NRG1: variants seen among roughly 807,000 people sequenced by gnomAD.
The protein encoded by NRG1 is pro-neuregulin-1, membrane-bound isoform.
A neutral mutation model predicts 63.8 loss-of-function variants in NRG1; 18 were observed. The observed-to-expected ratio is 0.28, with a 90% CI of 0.19 to 0.42. NRG1 has a LOEUF of 0.42. Among genes scored for constraint, NRG1 ranks in the 10% least tolerant of loss-of-function variants. The pLI is 1.00. For missense variants in NRG1, 762 were observed against 814.7 expected (o/e 0.94, Z 0.79); for synonymous variants, 302 against 301.3 (o/e 1.00, Z -0.02).
chr8:32,475,688 G>A (rs1433162514), intron 1 of NRG1, among the ~76,000 whole-genome samples: 2 of 151,984 alleles, frequency 1.3e-5, no homozygotes, highest in Admixed American at 6.6e-5. Flanking sequence ...TGAGACTACA[G>A]GCAAATGCCA....
intron 1 of NRG1, among the ~76,000 whole-genome samples, chr8:31,987,792 C>A (rs572172120): frequency 6.6e-6 from 1 of 152,166 alleles, no homozygotes; most frequent in East Asian, 1.9e-4. Flanking sequence ...CCAACCTCAG[C>A]ATTTTAAATA....
At chr8:32,411,964 T>A (rs908831276) in intron 1 of NRG1, among the ~76,000 whole-genome samples, 1 of 152,114 alleles carries the variant, frequency 6.6e-6, no homozygotes, top group Non-Finnish European at 1.5e-5. Flanking sequence ...AGCCGCAGGG[T>A]CCCAGACATT....
chr8:32,761,605 T>G (rs951468054), intron 11 of NRG1, among the ~76,000 whole-genome samples: 2 of 151,430 alleles, frequency 1.3e-5, no homozygotes, highest in Non-Finnish European at 2.9e-5. Context: ...TATTTTATTT[T>G]ATTTTATTGT....
At chr8:31,689,695 T>C (rs1303537418) in intron 1 of NRG1, among the ~76,000 whole-genome samples, 3 of 152,218 alleles carry the variant, frequency 2.0e-5, no homozygotes, top group African/African-American at 7.2e-5. Flanking sequence ...TCAATGAATA[T>C]TCATTAAGTA....
Position 32,256,940 on chromosome 8 carries a change from AC to A in NRG1, c.38-338884del, listed in dbSNP as rs1274657925. On this transcript the variant is annotated intron_variant, in intron 1 of 10. Transcript: ENST00000519301. ...AGGGAGATGGGAGTTTTATCTATAA[AC>A]CCCTGCCTGGAGCTGCTGCCTTTCT... is the stretch of plus-strand genomic sequence containing the variant. 2.0e-5 allele frequency among the ~76,000 whole-genome samples: 3 copies of A among 151,798 alleles called. No individual in the cohort carries two copies. The East Asian group carries it at 5.8e-4, about 29-fold the overall frequency.
chr8:32,312,893 C>A (rs1856984308), intron 1 of NRG1, among the ~76,000 whole-genome samples: 1 of 152,144 alleles, frequency 6.6e-6, no homozygotes, highest in Admixed American at 6.5e-5. Flanking sequence ...GTGGCTCACA[C>A]CTGTAATCCC....
chr8:32,020,272 ATTT>A (rs1161433064), intron 1 of NRG1, among the ~76,000 whole-genome samples: 1 of 152,178 alleles, frequency 6.6e-6, no homozygotes, highest in Non-Finnish European at 1.5e-5. Flanking sequence ...GCTAAATGGT[ATTT>A]TTATCTCACT....
At chr8:32,185,419 A>G (rs1051109648) in intron 1 of NRG1, among the ~76,000 whole-genome samples, 1 of 152,118 alleles carries the variant, frequency 6.6e-6, no homozygotes, top group Non-Finnish European at 1.5e-5. Flanking sequence ...TGATCTTTAC[A>G]TTTTGCCTCT....
At chr8:32,645,057 C>T (rs1853224684) in intron 5 of NRG1, among the ~76,000 whole-genome samples, 1 of 151,978 alleles carries the variant, frequency 6.6e-6, no homozygotes, top group Non-Finnish European at 1.5e-5. Context: ...AATTCAGTGC[C>T]GTATATTTCA....
intron 5 of NRG1, among the ~76,000 whole-genome samples, chr8:32,629,885 A>T (rs1849966827): frequency 6.6e-6 from 1 of 152,188 alleles, no homozygotes; most frequent in South Asian, 2.1e-4. Context: ...TGTCAATAAC[A>T]TGGATTTTTC....
intron 1 of NRG1, among the ~76,000 whole-genome samples, chr8:32,321,033 T>C (rs1303755585): frequency 1.3e-5 from 2 of 152,158 alleles, no homozygotes; most frequent in Non-Finnish European, 2.9e-5. Flanking sequence ...CTTGCTTCTT[T>C]GAAATATGGT....
In NRG1 at chr8:32,447,729, C is replaced by T. The variant is rs369170982; in HGVS notation, c.38-148099C>T. Among the ~76,000 whole-genome samples, 69 of 151,824 alleles carry T rather than the reference C, an allele frequency of 4.5e-4. 1 individual carries two copies. The highest frequency in any genetic ancestry group is 1.6e-3 in the African/African-American group (68 of 41,402). ...ACAAAAAATATTTTTTAAAATTAGT[C>T]GAGCATGGCGGTGGCTCCCTGTAGT... is the stretch of plus-strand genomic sequence containing the variant. On this transcript the variant is annotated intron_variant, in intron 1 of 10. Transcript: ENST00000519301.
chr8:32,665,814 A>G (rs1804003139), intron 5 of NRG1, among the ~76,000 whole-genome samples: 1 of 152,188 alleles, frequency 6.6e-6, no homozygotes, highest in Non-Finnish European at 1.5e-5. Flanking sequence ...GAACAGTGAT[A>G]CTTAGTTAAT....
At chr8:32,048,333 ATG>A in intron 1 of NRG1, among the ~76,000 whole-genome samples, 1 of 148,750 alleles carries the variant, frequency 6.7e-6, no homozygotes, top group African/African-American at 2.5e-5. Context: ...ACATATGTAC[ATG>A]TATGTATGTA....
intron 1 of NRG1, among the ~76,000 whole-genome samples, chr8:32,111,216 A>T (rs1831983307): frequency 6.6e-6 from 1 of 152,028 alleles, no homozygotes; most frequent in Non-Finnish European, 1.5e-5. Context: ...TCCCGGGTTC[A>T]AGCAATTTTC....
At chr8:32,413,456 A>C (rs1389802475) in intron 1 of NRG1, among the ~76,000 whole-genome samples, 1 of 152,138 alleles carries the variant, frequency 6.6e-6, no homozygotes, top group Non-Finnish European at 1.5e-5. Flanking sequence ...GTAGCATTCC[A>C]TTTTTACTTC....
chr8:31,970,488 G>C (rs1807099679), intron 1 of NRG1, among the ~76,000 whole-genome samples: 1 of 152,180 alleles, frequency 6.6e-6, no homozygotes, highest in Non-Finnish European at 1.5e-5. Flanking sequence ...GCCTAGACAA[G>C]GTGATGGTCT....
At chr8:32,524,319 T>G (rs185852460) in intron 1 of NRG1, among the ~76,000 whole-genome samples, 2 of 152,250 alleles carry the variant, frequency 1.3e-5, no homozygotes, top group African/African-American at 4.8e-5. Context: ...CCCTAGTTGC[T>G]AAGCAATGTT....
intron 1 of NRG1, among the ~76,000 whole-genome samples, chr8:31,751,738 TAGAG>T (rs917290080): frequency 6.6e-6 from 1 of 151,574 alleles, no homozygotes; most frequent in Non-Finnish European, 1.5e-5. Flanking sequence ...TGGAGAGAGA[TAGAG>T]AGTTTGGGGA....
Sources: gnomAD v4.1 joint callset for allele counts (sites outside exome capture counted in the v4.1 genomes callset) on GRCh38, gnomAD v4.1.1 for gene constraint, MANE v1.5 for transcripts, NCBI Gene and HGNC (gene_info 2026-07-23, HGNC 2026-07-21) for gene names.